The following SLC9A9 variants were observed in gnomAD, a reference collection of about 807,000 sequenced individuals.
SLC9A9 encodes solute carrier family 9 member A9.
Under a neutral mutation model 77.8 loss-of-function variants are expected in SLC9A9, and 62 were observed. The observed-to-expected ratio is 0.80, with a 90% CI of 0.65 to 0.98. The LOEUF (loss-of-function observed/expected upper bound fraction) is 0.98, where lower values mean the gene tolerates loss of function less well. Ranked by LOEUF, SLC9A9 falls within the 50% of genes least tolerant of loss-of-function variation. SLC9A9 has a pLI of 0.00. For missense variants in SLC9A9, 775 were observed against 774.9 expected, an observed-to-expected ratio of 1.00 and a Z score of 0.00; for synonymous variants, 320 against 283.5, an observed-to-expected ratio of 1.13 and a Z score of -1.29.
chr3:143,674,923 T>G (rs554803019), intron 5 of SLC9A9, among the ~76,000 whole-genome samples: 2 of 152,138 alleles, frequency 1.3e-5, no homozygotes, highest in Admixed American at 1.3e-4. Context: ...TTTCATTCAG[T>G]TTTTATATTC....
At chr3:143,713,946 G>A (rs373579430) in intron 4 of SLC9A9, among the ~76,000 whole-genome samples, 5 of 152,308 alleles carry the variant, frequency 3.3e-5, no homozygotes, top group African/African-American at 1.2e-4. Context: ...AAGGTTGACA[G>A]CACTCAAAAT....
chr3:143,502,497 T>C (rs2108597653), intron 9 of SLC9A9, among the ~76,000 whole-genome samples: 1 of 152,370 alleles, frequency 6.6e-6, no homozygotes, highest in African/African-American at 2.4e-5. Context: ...ATCTATTTTA[T>C]AAAATATGTT....
At position 143,754,925 on chromosome 3, in the gene SLC9A9, CT is replaced by C. The variant is rs2006872726; in HGVS notation, c.533+40075del. ...GTTTAGTTTTAGTAAAAGTCTCCCC[CT>C]GTCGCCTAACATAGCATTTATTTCT... On this transcript the variant is annotated intron_variant, in intron 4 of 15. Coordinates refer to ENST00000316549, the MANE Select transcript of SLC9A9 (RefSeq NM_173653.4). Among the ~76,000 whole-genome samples the C allele has an allele frequency of 4.6e-5, 7 of 152,258 alleles. No individual in the cohort carries two copies. The South Asian group carries it at 1.5e-3, about 32-fold the overall frequency.
At chr3:143,438,586 G>C (rs115173775) in intron 12 of SLC9A9, among the ~76,000 whole-genome samples, 2 of 152,200 alleles carry the variant, frequency 1.3e-5, no homozygotes, top group African/African-American at 4.8e-5. Context: ...AAACACAGAT[G>C]CCCTATCCCA....
intron 9 of SLC9A9, among the ~76,000 whole-genome samples, chr3:143,521,114 G>C (rs2036292404): frequency 6.6e-6 from 1 of 152,080 alleles, no homozygotes; most frequent in South Asian, 2.1e-4. Flanking sequence ...TAATCAAATT[G>C]ACCAATCTTT....
At chr3:143,491,638 C>T (rs1054225213) in intron 11 of SLC9A9, among the ~76,000 whole-genome samples, 6 of 152,118 alleles carry the variant, frequency 3.9e-5, no homozygotes, top group Non-Finnish European at 8.8e-5. Context: ...TACCGTTAAA[C>T]AAACTTAGAA....
In SLC9A9 at chr3:143,528,426, A is replaced by G. The variant is rs116104016; in HGVS notation, c.1089+23936T>C. 4.7e-3 allele frequency among the ~76,000 whole-genome samples: 709 copies of G among 152,362 alleles called. 6 individuals are homozygous for G. Among genetic ancestry groups the G allele is most frequent in the Middle Eastern group, 0.031 (9 of 294 alleles). On this transcript the variant is annotated intron_variant, in intron 9 of 15. Coordinates refer to ENST00000316549, the MANE Select transcript of SLC9A9 (RefSeq NM_173653.4). ...TGGAAATTTTTTCCTTTACACATTT[A>G]GGAAATAAGAAAGTACAGAAAGCAG...
At chr3:143,531,965 C>T (rs568210435) in intron 9 of SLC9A9, among the ~76,000 whole-genome samples, 5 of 152,226 alleles carry the variant, frequency 3.3e-5, no homozygotes, top group Non-Finnish European at 5.9e-5. Flanking sequence ...CTACATAATG[C>T]GTGATAATCA....
At chr3:143,626,968 G>T (rs1362174413) in intron 6 of SLC9A9, 1 of 151,708 alleles carries the variant, frequency 6.6e-6, no homozygotes, top group Non-Finnish European at 1.5e-5. Flanking sequence ...TGCCTCCTGG[G>T]TTCAAATGAT....
chr3:143,513,939 C>T (rs2036160174), intron 9 of SLC9A9, among the ~76,000 whole-genome samples: 1 of 152,202 alleles, frequency 6.6e-6, no homozygotes, highest in Non-Finnish European at 1.5e-5. Flanking sequence ...CACCCATTAA[C>T]TGATATACCT....
intron 4 of SLC9A9, among the ~76,000 whole-genome samples, chr3:143,709,633 T>A (rs1375302980): frequency 6.6e-6 from 1 of 152,202 alleles, no homozygotes; most frequent in Non-Finnish European, 1.5e-5. Context: ...CACAGATAGA[T>A]AAGCACTAAA....
intron 12 of SLC9A9, among the ~76,000 whole-genome samples, chr3:143,456,019 T>TAAC (rs1304958970): frequency 5.5e-4 from 83 of 152,196 alleles, no homozygotes; most frequent in African/African-American, 2.0e-3. Flanking sequence ...GGCTTTTCAC[T>TAAC]ATTAAATATG....
At chr3:143,679,542 C>T (rs1933013398) in intron 5 of SLC9A9, among the ~76,000 whole-genome samples, 2 of 152,194 alleles carry the variant, frequency 1.3e-5, no homozygotes, top group African/African-American at 4.8e-5. Flanking sequence ...GCCCTCTACC[C>T]GTCCAATGCC....
chr3:143,661,521 C>A lies in SLC9A9; in HGVS notation c.650-9161G>T, dbSNP rs555419081. Among the ~76,000 whole-genome samples the A allele has an allele frequency of 1.0e-3, 154 of 152,222 alleles. 1 individual carries two copies. The highest frequency in any genetic ancestry group is 1.3e-4 in the Non-Finnish European group (9 of 68,020). On this transcript the variant is annotated intron_variant, in intron 5 of 15. Transcript: ENST00000316549. ...CCCTCCTTTGTTTTGAGGAGACTAG[C>A]CCCTTGTGATTTTCCTTCAACACCT...
intron 15 of SLC9A9, among the ~76,000 whole-genome samples, chr3:143,267,280 G>T (rs558292970): frequency 1.3e-5 from 2 of 150,860 alleles, no homozygotes; most frequent in South Asian, 4.2e-4. Context: ...AATAGGGGAA[G>T]ATTCTCATGT....
intron 6 of SLC9A9, among the ~76,000 whole-genome samples, chr3:143,594,964 T>G (rs1258730599): frequency 6.6e-6 from 1 of 152,328 alleles, no homozygotes; most frequent in African/African-American, 2.4e-5. Context: ...ATTAAAACAT[T>G]ATTTTTCTAT....
intron 11 of SLC9A9, among the ~76,000 whole-genome samples, chr3:143,490,294 A>G (rs2035718091): frequency 1.3e-5 from 2 of 152,228 alleles, no homozygotes; most frequent in South Asian, 2.1e-4. Context: ...AGATGAATAG[A>G]TAAGTAAAAT....
At chr3:143,743,623 G>C (rs1186635916) in intron 4 of SLC9A9, among the ~76,000 whole-genome samples, 2 of 152,072 alleles carry the variant, frequency 1.3e-5, no homozygotes, top group African/African-American at 2.4e-5. Context: ...TGATTGAATT[G>C]TGCCTGCCCA....
chr3:143,656,835 G>A (rs905063876), intron 5 of SLC9A9, among the ~76,000 whole-genome samples: 2 of 152,086 alleles, frequency 1.3e-5, no homozygotes, highest in African/African-American at 4.8e-5. Flanking sequence ...CAGCTGAATC[G>A]GTGTCAGGCC....
Sources: gnomAD v4.1 joint callset for allele counts (sites outside exome capture counted in the v4.1 genomes callset) on GRCh38, gnomAD v4.1.1 for gene constraint, MANE v1.5 for transcripts, NCBI Gene and HGNC (gene_info 2026-07-23, HGNC 2026-07-21) for gene names.